The following SLC23A1 variants were observed in gnomAD, a reference collection of about 807,000 sequenced individuals.
SLC23A1 encodes the protein solute carrier family 23 member 1.
Under a neutral mutation model 62.5 loss-of-function variants are expected in SLC23A1, and 31 were observed. The observed-to-expected ratio is 0.50, with a 90% confidence interval of 0.37 to 0.67. SLC23A1 has a LOEUF of 0.67. Among genes scored for constraint, SLC23A1 ranks in the 30% least tolerant of loss-of-function variants. The probability of loss-of-function intolerance (pLI) is 0.00; values close to 1 mark genes in which losing one functional copy is unlikely to be tolerated. For missense variants in SLC23A1, 640 were observed against 782.7 expected (o/e 0.82, Z 2.18); for synonymous variants, 271 against 313.2 (o/e 0.87, Z 1.42).
At chr5:139,370,749 A>G (rs116261004) in intron 14 of SLC23A1, among the ~76,000 whole-genome samples, 32 of 151,962 alleles carry the variant, frequency 2.1e-4, no homozygotes, top group Non-Finnish European at 4.3e-4. Flanking sequence ...CTTAAGAGTA[A>G]AGATTCTTGA....
At position 139,377,555 on chromosome 5, in the gene SLC23A1, A is replaced by C. The variant is rs965171299; in HGVS notation, c.1454-58T>G. 8 of 898,762 alleles carry C rather than the reference A, an allele frequency of 8.9e-6. No individual in the cohort carries two copies. In the African/African-American group the frequency reaches 1.3e-4, roughly 15 times the overall value. The allele number at this position is 898,762 out of a possible 1,614,324, so 55.7% of individuals were successfully genotyped here. On this transcript the variant is annotated intron_variant, in intron 12 of 14. Transcript: ENST00000348729. ...TGGCCCAATCTGGAGAGCAGAGTTG[A>C]GGGACTTCCTCTTGTGCAGCTATGG... is the stretch of plus-strand genomic sequence containing the variant.
intron 14 of SLC23A1, chr5:139,368,776 G>T: frequency 6.2e-7 from 1 of 1,613,214 alleles, no homozygotes. Flanking sequence ...TTTGTTCCTG[G>T]GGTGAAGTAC....
intron 3 of SLC23A1, among the ~76,000 whole-genome samples, chr5:139,381,098 C>T (rs745892613): frequency 7.2e-5 from 11 of 152,232 alleles, no homozygotes; most frequent in Non-Finnish European, 1.3e-4. Context: ...CAGCTCAAAA[C>T]CTGCCCCCTT....
intron 14 of SLC23A1, among the ~76,000 whole-genome samples, chr5:139,368,400 G>C (rs1027909591): frequency 6.6e-6 from 1 of 151,592 alleles, no homozygotes; most frequent in Non-Finnish European, 1.5e-5. Flanking sequence ...GTGGTGGCAC[G>C]CGCCTGTAGT....
rs760525252 is a variant in SLC23A1 at position 139,378,633 on chromosome 5, C to G, written c.1125G>C (p.Thr375=). ...ICCIIAGLLG[T]GNGSTSSSPN... is the part of the protein sequence containing the mutation. ...GACTGGACGAGGTGGACCCGTTGCCCGTGCCCAATAGCCCCGCGATGATGC... is the reference window on the plus strand; with the variant it reads ...GACTGGACGAGGTGGACCCGTTGCCGGTGCCCAATAGCCCCGCGATGATGC... Residue 375 remains threonine, a synonymous_variant, in exon 10 of 15, where the codon ACG becomes ACC. Coordinates refer to ENST00000348729, the MANE Select transcript of SLC23A1 (RefSeq NM_005847.5). The surrounding 1 kb of genome is among the most constrained non-coding windows in gnomAD (Gnocchi z 4.5). The G allele has an allele frequency of 1.8e-5, 29 of 1,612,390 alleles. No homozygotes were observed. Among genetic ancestry groups the G allele is most frequent in the Non-Finnish European group, 2.3e-5 (27 of 1,179,448 alleles).
In SLC23A1 at chr5:139,381,256, C is replaced by T. The variant is rs940282823; in HGVS notation, c.309-370G>A. ...CCACCCAGGCCTAGGGCTGTGCACT[C>T]GGGAGCGTGGGGCCCTGGGAGGGTG... On this transcript the variant is annotated intron_variant, in intron 3 of 14. Transcript: ENST00000348729. Among the ~76,000 whole-genome samples, 9 of 152,324 alleles carry T rather than the reference C, an allele frequency of 5.9e-5. No individual in the cohort carries two copies. The South Asian group carries it at 6.2e-4, about 11-fold the overall frequency.
At position 139,381,903 on chromosome 5, in the gene SLC23A1, G is replaced by T; in HGVS notation, c.297C>A (p.Thr99=). The T allele has an allele frequency of 6.4e-7, 1 of 1,561,016 alleles. No homozygotes were observed. The change falls in exon 3 of 15, where the codon ACC becomes ACA. Residue 99 remains threonine (T), a synonymous_variant. Coordinates refer to ENST00000348729, the MANE Select transcript of SLC23A1 (RefSeq NM_005847.5). The part of the protein sequence containing the change: ...CVGITTLIQT[T]VGIRLPLFQA... ...GCTGGGCGGCTCACCGGATGCCCAC[G>T]GTGGTCTGGATGAGAGTGGTGATGC...
Position 139,378,753 on chromosome 5 carries a change from G to T in SLC23A1, c.1074-69C>A. The T allele has an allele frequency of 2.5e-6, 3 of 1,185,128 alleles. No homozygotes were observed. Among genetic ancestry groups the T allele is most frequent in the East Asian group, 2.5e-5 (1 of 39,340 alleles). The allele number at this position is 1,185,128 out of a possible 1,614,324, so 73.4% of individuals were successfully genotyped here. Reference sequence around the variant, plus strand: ...CAGTCTGTGTTCCCCCATCATCTTAGCAAGCTGCCGTCCTCTGGGGCTGTG... The same window carrying T: ...CAGTCTGTGTTCCCCCATCATCTTATCAAGCTGCCGTCCTCTGGGGCTGTG... On this transcript the variant is annotated intron_variant, in intron 9 of 14. Coordinates refer to ENST00000348729, the MANE Select transcript of SLC23A1 (RefSeq NM_005847.5). This position sits in a 1 kb window ranked among gnomAD's most constrained non-coding sequence, Gnocchi z 4.5.
upstream of SLC23A1, chr5:139,384,271 C>T (rs1758421549): frequency 9.5e-7 from 1 of 1,047,332 alleles, no homozygotes; most frequent in Non-Finnish European, 1.2e-6. Flanking sequence ...AGAACTCAGG[C>T]TCCTCAGCTG....
At chr5:139,373,036 A>G (rs183502640) in intron 13 of SLC23A1, among the ~76,000 whole-genome samples, 9 of 152,302 alleles carry the variant, frequency 5.9e-5, no homozygotes, top group African/African-American at 2.2e-4. Context: ...GAAACACTAT[A>G]ATCAGTGTTA....
Position 139,379,811 on chromosome 5 carries a change from C to A in SLC23A1, c.792G>T (p.Val264=). The change falls in exon 8 of 15, where the codon GTG becomes GTT. Residue 264 remains valine (V), a synonymous_variant. Transcript: ENST00000348729. The surrounding 1 kb of genome is among the most constrained non-coding windows in gnomAD (Gnocchi z 4.7). ...MFPIMLAIMT[V]WLLCYVLTLT... is the part of the protein sequence containing the mutation. ...AGGTCAGGACATAGCAGAGCAGCCA[C>A]ACGGTCATGATGGCCAGCATGATCT... 1 of 1,614,086 alleles carries A rather than the reference C, an allele frequency of 6.2e-7. No homozygotes were observed. The highest frequency in any genetic ancestry group is 8.5e-7 in the Non-Finnish European group (1 of 1,179,992).
intron 14 of SLC23A1, among the ~76,000 whole-genome samples, chr5:139,368,064 G>A (rs1444049895): frequency 6.6e-6 from 1 of 152,040 alleles, no homozygotes; most frequent in East Asian, 1.9e-4. Flanking sequence ...GGCCGGGCGC[G>A]GTGGCTTACG....
At position 139,377,503 on chromosome 5, in the gene SLC23A1, G is replaced by GAAT. The variant is rs1561975976; in HGVS notation, c.1454-9_1454-7dup. On this transcript the variant is annotated splice_polypyrimidine_tract_variant and splice_region_variant and intron_variant, in intron 12 of 14. Transcript: ENST00000348729. ...CTGATCCACTTCAAGAATGCCTGTG[G>GAAT]AATAGGCCAAGGGCCAATGGGTGTC... The GAAT allele has an allele frequency of 1.9e-6, 3 of 1,554,936 alleles. No individual in the cohort carries two copies. The highest frequency in any genetic ancestry group is 2.7e-6 in the Non-Finnish European group (3 of 1,125,998).
At chr5:139,371,438 G>A (rs985855495) in intron 14 of SLC23A1, among the ~76,000 whole-genome samples, 4 of 152,170 alleles carry the variant, frequency 2.6e-5, no homozygotes, top group African/African-American at 7.2e-5. Flanking sequence ...CTGCCCATGC[G>A]TTCTGAAGAC....
At chr5:139,373,019 A>G (rs1757760592) in intron 13 of SLC23A1, among the ~76,000 whole-genome samples, 1 of 152,206 alleles carries the variant, frequency 6.6e-6, no homozygotes, top group Admixed American at 6.5e-5. Flanking sequence ...TAAGGGAGGC[A>G]TATTTTGAAA....
Position 139,378,499 on chromosome 5 carries a change from A to G in SLC23A1, c.1179+80T>C. 1 of 1,446,948 alleles carries G rather than the reference A, an allele frequency of 6.9e-7. No homozygotes were observed. Among genetic ancestry groups the G allele is most frequent in the Non-Finnish European group, 9.5e-7 (1 of 1,054,908 alleles). The allele number at this position is 1,446,948 out of a possible 1,614,324, so 89.6% of individuals were successfully genotyped here. A position where few individuals can be genotyped will look rare whatever the true frequency, so the allele number is the denominator to read the frequency against. ...CCTCTCAAAGACAGGGTGGGGCTAAACCAAAGTGGGGACCGAGTTGGGGCG... is the reference window on the plus strand; with the variant it reads ...CCTCTCAAAGACAGGGTGGGGCTAAGCCAAAGTGGGGACCGAGTTGGGGCG... On this transcript the variant is annotated intron_variant, in intron 10 of 14. Transcript: ENST00000348729. This position sits in a 1 kb window ranked among gnomAD's most constrained non-coding sequence, Gnocchi z 4.5.
chr5:139,378,681 G>C lies in SLC23A1; in HGVS notation c.1077C>G (p.Gly359=), dbSNP rs145899167. 1.1e-3 allele frequency: 1,761 copies of C among 1,604,672 alleles called. 31 individuals carry two copies. Among genetic ancestry groups the C allele is most frequent in the Admixed American group, 9.3e-4 (55 of 58,898 alleles). The change falls in exon 10 of 15, where the codon GGC becomes GGG. Residue 359 remains glycine (G), a synonymous_variant. Transcript: ENST00000348729. The surrounding 1 kb of genome is among the most constrained non-coding windows in gnomAD (Gnocchi z 4.5). ...TGCAGCAAATGCCTTCGGTGAAGAT[G>C]CCCCTGTAAGGAAAGGGAGAGTCGG... ...PPPPVHAINR[G]IFTEGICCII...
chr5:139,384,405 G>A (rs1758428391), upstream of SLC23A1: 1 of 1,289,570 alleles, frequency 7.8e-7, no homozygotes, highest in Admixed American at 2.3e-5. Context: ...AGGGCCAAGG[G>A]GCAGCACCGC....
At chr5:139,380,692 G>A in intron 4 of SLC23A1, 60 bp from the exon 5 acceptor site, 1 of 1,504,788 alleles carries the variant, frequency 6.6e-7, no homozygotes, top group Non-Finnish European at 9.3e-7. Context: ...AGGGAGAGAA[G>A]ATGCTGCCAT....
Sources: allele counts gnomAD v4.1 joint callset (sites outside exome capture counted in the v4.1 genomes callset), GRCh38; gene constraint gnomAD v4.1.1; non-coding constraint Gnocchi (gnomAD v3.1); transcripts MANE v1.5; gene names NCBI Gene and HGNC (gene_info 2026-07-23, HGNC 2026-07-21).